The following CBFA2T3 variants were observed in gnomAD, a reference collection of about 807,000 sequenced individuals.
The protein encoded by CBFA2T3 is transcriptional corepressor CBFA2T3.
CBFA2T3 carries 31 observed loss-of-function variants against 58.6 expected under a neutral mutation model. That is an observed-to-expected ratio of 0.53 (90% CI 0.40 to 0.71). The LOEUF (loss-of-function observed/expected upper bound fraction) is 0.71. Among genes scored for constraint, CBFA2T3 ranks in the 30% least tolerant of loss-of-function variants. The pLI is 0.00. For missense variants in CBFA2T3, 1,076 were observed against 963.1 expected, an observed-to-expected ratio of 1.12 and a Z score of -1.55; for synonymous variants, 531 against 421.9, an observed-to-expected ratio of 1.26 and a Z score of -3.17.
chr16:88,962,514 C>T (rs1972391203), intron 1 of CBFA2T3, among the ~76,000 whole-genome samples: 1 of 152,212 alleles, frequency 6.6e-6, no homozygotes, highest in African/African-American at 2.4e-5. Context: ...TTACCCATGC[C>T]TGTCGTGAGT....
chr16:88,930,780 G>A (rs1301675158), intron 1 of CBFA2T3, among the ~76,000 whole-genome samples: 1 of 72,500 alleles, frequency 1.4e-5, no homozygotes, highest in East Asian at 5.3e-4. Context: ...GGAGGAGCGA[G>A]GAGATGGGGG....
intron 1 of CBFA2T3, chr16:88,941,079 G>A: frequency 6.1e-6 from 6 of 984,910 alleles, no homozygotes; most frequent in Non-Finnish European, 7.2e-6. Context: ...GACTCGGTCC[G>A]GGAGTCGCTG....
intron 1 of CBFA2T3, among the ~76,000 whole-genome samples, chr16:88,924,998 C>T (rs116140945): frequency 2.1e-3 from 321 of 152,366 alleles, no homozygotes; most frequent in Middle Eastern, 0.01. Flanking sequence ...CACCGGTCAC[C>T]GTGGCCAAGC....
rs909651624 is a variant in CBFA2T3, at chr16:88,959,233, C to T, written c.151+17424G>A. Reference sequence around the variant, plus strand: ...GCCTGCTGTGTCCTGGTCTCATACACGCTACATGGACAGTCACATGAGCAG... The same window carrying T: ...GCCTGCTGTGTCCTGGTCTCATACATGCTACATGGACAGTCACATGAGCAG... On this transcript the variant is annotated intron_variant, in intron 1 of 11. Coordinates refer to ENST00000268679, the MANE Select transcript of CBFA2T3 (RefSeq NM_005187.6). Among the ~76,000 whole-genome samples the T allele has an allele frequency of 2.0e-5, 3 of 152,354 alleles. 1 individual carries two copies. Among genetic ancestry groups the T allele is most frequent in the South Asian group, 4.1e-4 (2 of 4,830 alleles).
intron 11 of CBFA2T3, among the ~76,000 whole-genome samples, chr16:88,878,517 T>C (rs1451059108): frequency 6.6e-6 from 1 of 152,236 alleles, no homozygotes; most frequent in East Asian, 1.9e-4. Context: ...TGCCCCCGCC[T>C]GCCTCCCAGG....
chr16:88,890,827 C>T (rs1411683511), intron 5 of CBFA2T3, among the ~76,000 whole-genome samples: 1 of 152,184 alleles, frequency 6.6e-6, no homozygotes, highest in Non-Finnish European at 1.5e-5. Flanking sequence ...AGCAATCCTC[C>T]CACCTCAGCC....
intron 1 of CBFA2T3, among the ~76,000 whole-genome samples, chr16:88,930,127 T>A (rs1306544837): frequency 6.8e-6 from 1 of 146,316 alleles, no homozygotes; most frequent in Non-Finnish European, 1.5e-5. Context: ...CAGAGCTGCA[T>A]GGTCCACGTA....
chr16:88,912,973 G>A (rs1480569787), intron 1 of CBFA2T3, among the ~76,000 whole-genome samples: 1 of 152,220 alleles, frequency 6.6e-6, no homozygotes, highest in African/African-American at 2.4e-5. Flanking sequence ...GGCTATTCAG[G>A]GCCCTCTCCC....
intron 2 of CBFA2T3, among the ~76,000 whole-genome samples, chr16:88,899,974 G>T (rs915751449): frequency 1.3e-5 from 2 of 152,244 alleles, no homozygotes; most frequent in African/African-American, 4.8e-5. Flanking sequence ...CTTCCGAAGA[G>T]AGGGAAGGGT....
At chr16:88,922,103 G>T (rs542170942) in intron 1 of CBFA2T3, among the ~76,000 whole-genome samples, 15 of 152,246 alleles carry the variant, frequency 9.9e-5, no homozygotes, top group African/African-American at 3.6e-4. Flanking sequence ...GACATCCCGG[G>T]AGCTGGGTTC....
At chr16:88,895,602 T>C (rs1013818142) in intron 3 of CBFA2T3, among the ~76,000 whole-genome samples, 8 of 152,058 alleles carry the variant, frequency 5.3e-5, no homozygotes, top group African/African-American at 1.9e-4. Context: ...GTGCTCTGGA[T>C]GTTCTTGGTG....
rs1339536239 is a variant in CBFA2T3 at position 88,875,219 on chromosome 16, A to C, written c.*1757T>G. On this transcript the variant is annotated 3_prime_UTR_variant, in exon 12 of 12. Transcript: ENST00000268679. ...AAGCCACGGGCCACGCCACACGCAC[A>C]GATGCCAGGCTGCGGGCCGTGCCTG... The C allele has an allele frequency of 4.3e-6, 1 of 234,006 alleles. No individual in the cohort carries two copies. Among genetic ancestry groups the C allele is most frequent in the African/African-American group, 2.2e-5 (1 of 45,252 alleles). The allele number at this position is 234,006 out of a possible 1,614,324, so 14.5% of individuals were successfully genotyped here.
rs538675996 is a variant in CBFA2T3 at position 88,949,625 on chromosome 16, C to A, written c.151+27032G>T. Among the ~76,000 whole-genome samples the A allele has an allele frequency of 2.6e-5, 4 of 151,858 alleles. No individual in the cohort carries two copies. The South Asian group carries it at 8.3e-4, about 32-fold the overall frequency. On this transcript the variant is annotated intron_variant, in intron 1 of 11. Transcript: ENST00000268679. ...TGGGTGTGGGGACAAACGACAGTGG[C>A]CCCAGCACACAAACATTGCTACAGA...
At chr16:88,948,285 T>A (rs1043167484) in intron 1 of CBFA2T3, among the ~76,000 whole-genome samples, 1 of 152,214 alleles carries the variant, frequency 6.6e-6, no homozygotes, top group Non-Finnish European at 1.5e-5. Flanking sequence ...AATCAGCAGG[T>A]TGCAGCAGAG....
At chr16:88,911,893 G>A (rs1003316097) in intron 1 of CBFA2T3, among the ~76,000 whole-genome samples, 3 of 152,246 alleles carry the variant, frequency 2.0e-5, no homozygotes, top group African/African-American at 4.8e-5. Context: ...CTCCTGCCTC[G>A]CAGCTGTGTG....
At chr16:88,888,820 G>C (rs948288551) in intron 5 of CBFA2T3, among the ~76,000 whole-genome samples, 2 of 151,876 alleles carry the variant, frequency 1.3e-5, no homozygotes, top group African/African-American at 4.8e-5. Flanking sequence ...GGGGCACGAG[G>C]TGGGCTGGCC....
intron 1 of CBFA2T3, chr16:88,936,808 C>T (rs1487775163): frequency 6.6e-6 from 1 of 152,302 alleles, no homozygotes; most frequent in Non-Finnish European, 1.5e-5. Context: ...CCACAGGAAA[C>T]TCATTGCCAC....
chr16:88,945,929 C>T (rs950022983), intron 1 of CBFA2T3, among the ~76,000 whole-genome samples: 1 of 152,196 alleles, frequency 6.6e-6, no homozygotes, highest in Admixed American at 6.5e-5. Context: ...CCGCCTTCAA[C>T]AGGTGAATAC....
chr16:88,954,837 G>C (rs76730737), intron 1 of CBFA2T3, among the ~76,000 whole-genome samples: 1 of 18,524 alleles, frequency 5.4e-5, no homozygotes, highest in Admixed American at 3.1e-4. Context: ...CCTGACCTCA[G>C]CCAAGGCTCC....
Sources: gnomAD v4.1 joint callset for allele counts (sites outside exome capture counted in the v4.1 genomes callset) on GRCh38, gnomAD v4.1.1 for gene constraint, MANE v1.5 for transcripts, NCBI Gene and HGNC (gene_info 2026-07-23, HGNC 2026-07-21) for gene names.